Variants in TENM4 observed in about 807,000 individuals in gnomAD.
TENM4 encodes teneurin transmembrane protein 4, also known as teneurin-4.
TENM4 carries 82 observed loss-of-function variants against 243.3 expected under a neutral mutation model. The observed-to-expected ratio is 0.34, with a 90% CI of 0.28 to 0.40. The LOEUF (loss-of-function observed/expected upper bound fraction) is 0.40, where lower values mean the gene tolerates loss of function less well. TENM4 is among the 10% of genes least tolerant of loss of function. TENM4 has a pLI of 1.00. For missense variants in TENM4, 3,138 were observed against 3,673.3 expected (o/e 0.85, Z 3.77); for synonymous variants, 1,412 against 1,456.3 (o/e 0.97, Z 0.69).
At position 79,069,710 on chromosome 11, in the gene TENM4, C is replaced by T. The variant is rs1282999567; in HGVS notation, c.223+12G>A. 6.5e-7 allele frequency: 1 copy of T among 1,547,790 alleles called. No individual in the cohort carries two copies. Among genetic ancestry groups the T allele is most frequent in the East Asian group, 2.4e-5 (1 of 40,856 alleles). ...CTGCGCCTGAGGCCCGCCCCCTCGGCCTTGTCCTTACCTGTGCGGCAGAAT... is the reference window on the plus strand; with the variant it reads ...CTGCGCCTGAGGCCCGCCCCCTCGGTCTTGTCCTTACCTGTGCGGCAGAAT... On this transcript the variant is annotated intron_variant, in intron 5 of 33. Coordinates refer to ENST00000278550, the MANE Select transcript of TENM4 (RefSeq NM_001098816.3).
intron 9 of TENM4, among the ~76,000 whole-genome samples, chr11:78,875,873 AT>A (rs1164181876): frequency 6.6e-6 from 1 of 152,136 alleles, no homozygotes; most frequent in Non-Finnish European, 1.5e-5. Flanking sequence ...GTGCTGCCAT[AT>A]TTGTGTGTGC....
intron 30 of TENM4, among the ~76,000 whole-genome samples, chr11:78,673,281 G>A (rs1329760940): frequency 6.6e-6 from 1 of 152,146 alleles, no homozygotes; most frequent in Non-Finnish European, 1.5e-5. Flanking sequence ...GGCATTGGTG[G>A]CCCCTGAAAT....
Position 79,218,234 on chromosome 11 carries a change from A to ACCC in TENM4, c.-264-2328_-264-2326dup, listed in dbSNP as rs1555029524. On this transcript the variant is annotated intron_variant, in intron 2 of 33. Coordinates refer to ENST00000278550, the MANE Select transcript of TENM4 (RefSeq NM_001098816.3). ...TTCATTAGAAGTTTACCCCCTGCCC[A>ACCC]CCCACCCCCGACACACACAACCCCA... Among the ~76,000 whole-genome samples the ACCC allele has an allele frequency of 0.016, 1,497 of 96,388 alleles. 14 individuals are homozygous for ACCC. The East Asian group carries it at 0.23, about 15-fold the overall frequency. 63.2% of individuals were successfully genotyped at this position (96,388 alleles called of 152,430 possible).
chr11:78,907,334 T>G (rs1203916165), intron 6 of TENM4, among the ~76,000 whole-genome samples: 3 of 151,044 alleles, frequency 2.0e-5, no homozygotes, highest in Non-Finnish European at 4.4e-5. Context: ...CCGACAAATA[T>G]GCACCCTCGT....
At chr11:79,259,166 T>A (rs549088832) in intron 2 of TENM4, among the ~76,000 whole-genome samples, 1 of 151,630 alleles carries the variant, frequency 6.6e-6, no homozygotes, top group Admixed American at 6.6e-5. Flanking sequence ...AAAAGGAGGG[T>A]TTCATCAGTT....
intron 12 of TENM4, among the ~76,000 whole-genome samples, chr11:78,832,968 C>T (rs1416886547): frequency 1.3e-5 from 2 of 152,176 alleles, no homozygotes; most frequent in Non-Finnish European, 1.5e-5. Flanking sequence ...TTATTTGGGT[C>T]GAATGCTGGG....
chr11:79,075,416 T>A (rs563995821), intron 4 of TENM4, among the ~76,000 whole-genome samples: 1 of 152,352 alleles, frequency 6.6e-6, no homozygotes, highest in East Asian at 1.9e-4. Flanking sequence ...CACAGGACAT[T>A]TAACTTACTC....
At chr11:79,076,055 C>A (rs898941789) in intron 4 of TENM4, among the ~76,000 whole-genome samples, 1 of 152,080 alleles carries the variant, frequency 6.6e-6, no homozygotes. Flanking sequence ...TAACGTGGGT[C>A]TTGGTTTTGG....
chr11:79,215,082 C>A (rs552773693), intron 3 of TENM4, among the ~76,000 whole-genome samples: 1 of 152,264 alleles, frequency 6.6e-6, no homozygotes, highest in Admixed American at 6.5e-5. Context: ...TCAATAAAGG[C>A]CATACTCCCT....
intron 7 of TENM4, among the ~76,000 whole-genome samples, chr11:78,902,612 A>C (rs1019148168): frequency 7.9e-5 from 12 of 152,172 alleles, no homozygotes; most frequent in African/African-American, 2.9e-4. Flanking sequence ...CAAATTCCCA[A>C]ATGGGGATTA....
intron 12 of TENM4, among the ~76,000 whole-genome samples, chr11:78,838,344 AT>A (rs952696657): frequency 6.6e-6 from 1 of 152,032 alleles, no homozygotes; most frequent in African/African-American, 2.4e-5. Context: ...TACTGCATAT[AT>A]TTTCTTACTC....
At chr11:78,784,235 G>A (rs894074865) in intron 16 of TENM4, among the ~76,000 whole-genome samples, 9 of 152,116 alleles carry the variant, frequency 5.9e-5, no homozygotes, top group African/African-American at 2.2e-4. Flanking sequence ...GACTCTCACA[G>A]GGAGTAAAGT....
intron 7 of TENM4, 49 bp downstream of exon 7, chr11:78,903,218 GC>G (rs1364891235): frequency 2.0e-6 from 3 of 1,465,468 alleles, no homozygotes; most frequent in Middle Eastern, 2.3e-4. Context: ...CTTGGTCCGG[GC>G]CCCGGGTGCC....
intron 2 of TENM4, among the ~76,000 whole-genome samples, chr11:79,268,128 G>C (rs1855911112): frequency 6.6e-6 from 1 of 152,218 alleles, no homozygotes; most frequent in African/African-American, 2.4e-5. Flanking sequence ...TGAGACAAGA[G>C]AGAACTTTCT....
At chr11:78,668,885 G>T (rs557395503) in intron 32 of TENM4, 52 bp downstream of exon 32, 1 of 1,548,320 alleles carries the variant, frequency 6.5e-7, no homozygotes, top group Non-Finnish European at 8.7e-7. Context: ...GTATTGTTAG[G>T]TAGTAAGAGC....
intron 3 of TENM4, among the ~76,000 whole-genome samples, chr11:79,153,523 A>G (rs1351812534): frequency 6.6e-6 from 1 of 152,130 alleles, no homozygotes; most frequent in Non-Finnish European, 1.5e-5. Context: ...GGAGCACAAG[A>G]CAACCTGTCT....
intron 4 of TENM4, among the ~76,000 whole-genome samples, chr11:79,139,729 T>TTA (rs1209918494): frequency 1.3e-5 from 1 of 78,362 alleles, no homozygotes; most frequent in Non-Finnish European, 2.4e-5. Context: ...AAAATATATA[T>TTA]TATATTTATA....
chr11:78,862,967 G>C lies in TENM4; in HGVS notation c.1250C>G (p.Thr417Arg), dbSNP rs1282263206. The stretch of plus-strand genomic sequence containing the variant: ...GGACAACGCAGCAACCCTACCTTCT[G>C]TGGTTCCTTTGCCTTTCCTGTCAGG... The part of the protein sequence containing the change: ...ETPDRKGKGT[T>R]EGKPSSFFPE... The change falls in exon 10 of 34, where the codon ACA (threonine) becomes AGA (arginine). Residue 417 changes from threonine (T) to arginine (R), a missense_variant. This residue lies in a region of TENM4 where 671 missense variants were observed against 614.1 expected (regional missense o/e 1.09). Transcript: ENST00000278550. 2.7e-6 allele frequency: 4 copies of C among 1,462,390 alleles called. No homozygotes were observed. Among genetic ancestry groups the C allele is most frequent in the Non-Finnish European group, 1.8e-6 (2 of 1,087,618 alleles). The allele number at this position is 1,462,390 out of a possible 1,614,324, so 90.6% of individuals were successfully genotyped here.
rs73502610 is a variant in TENM4 at position 78,943,639 on chromosome 11, T to C, written c.494-40116A>G. Among the ~76,000 whole-genome samples the C allele has an allele frequency of 5.8e-3, 884 of 152,296 alleles. 7 individuals are homozygous for C. The highest frequency in any genetic ancestry group is 0.02 in the African/African-American group (840 of 41,568). ...ATTTAAAAACCATTTTTTTTTCTAGTAGGGAAATGTACCTAGATCTTTAGT... is the reference window on the plus strand; with the variant it reads ...ATTTAAAAACCATTTTTTTTTCTAGCAGGGAAATGTACCTAGATCTTTAGT... On this transcript the variant is annotated intron_variant, in intron 6 of 33. Transcript: ENST00000278550.
Sources: gnomAD v4.1 joint callset for allele counts (sites outside exome capture counted in the v4.1 genomes callset) on GRCh38, gnomAD v4.1.1 for gene constraint, gnomAD v4.1.1 regional missense constraint, MANE v1.5 for transcripts, NCBI Gene and HGNC (gene_info 2026-07-23, HGNC 2026-07-21) for gene names.